The following RNF38 variants were observed in gnomAD, a reference collection of about 807,000 sequenced individuals.
The protein encoded by RNF38 is E3 ubiquitin-protein ligase RNF38.
In RNF38, 15 loss-of-function variants were observed where a neutral mutation model predicts 67.2. The ratio of observed to expected loss-of-function variants is 0.22; its 90% CI spans 0.15 to 0.34. The LOEUF is 0.34. RNF38 is among the 10% of genes least tolerant of loss of function. The probability of loss-of-function intolerance (pLI) is 1.00; values close to 1 mark genes in which losing one functional copy is unlikely to be tolerated. For synonymous variants in RNF38, 220 were observed against 218.8 expected (o/e 1.01, Z -0.05); for missense variants, 524 against 639.9 (o/e 0.82, Z 1.95).
chr9:36,401,198 GGGGGCGGGGC>G (rs760862263), upstream of RNF38: 301 of 970,992 alleles, frequency 3.1e-4, no homozygotes, highest in Admixed American at 2.5e-3. Context: ...CGAGGGGGAA[GGGGGCGGGGC>G]GGGGCGGGGC....
chr9:36,383,356 C>A (rs1836348147), intron 2 of RNF38, among the ~76,000 whole-genome samples: 1 of 152,106 alleles, frequency 6.6e-6, no homozygotes, highest in Non-Finnish European at 1.5e-5. Context: ...CGCGCACCAG[C>A]CAATTTTTGT....
intron 3 of RNF38, among the ~76,000 whole-genome samples, chr9:36,373,638 C>T (rs182185561): frequency 1.3e-5 from 2 of 150,246 alleles, no homozygotes; most frequent in East Asian, 3.9e-4. Context: ...CCCTGTCCCC[C>T]AGGCTGGAGT....
chr9:36,477,399 G>T (rs943831271), intron 1 of RNF38, among the ~76,000 whole-genome samples: 1 of 151,946 alleles, frequency 6.6e-6, no homozygotes, highest in Non-Finnish European at 1.5e-5. Flanking sequence ...AAACAGGCTG[G>T]GCATGGTCAC....
chr9:36,337,881 A>C lies in RNF38; in HGVS notation c.*1871T>G, dbSNP rs1832563747. 6.5e-6 allele frequency: 1 copy of C among 152,676 alleles called. No individual in the cohort carries two copies. Among genetic ancestry groups the C allele is most frequent in the African/African-American group, 2.4e-5 (1 of 41,470 alleles). The allele number at this position is 152,676 out of a possible 1,614,324, so 9.5% of individuals were successfully genotyped here. A position where few individuals can be genotyped will look rare whatever the true frequency, so the allele number is the denominator to read the frequency against. On this transcript the variant is annotated 3_prime_UTR_variant, in exon 12 of 12. Coordinates refer to ENST00000259605, the MANE Select transcript of RNF38 (RefSeq NM_022781.5). ...ACACAGTATGCAAAACCCTACTTGT[A>C]GGACTAGATAGAGGCAACAATGTCT...
At chr9:36,390,241 A>T (rs1218058435) in intron 2 of RNF38, among the ~76,000 whole-genome samples, 2 of 152,240 alleles carry the variant, frequency 1.3e-5, no homozygotes, top group Admixed American at 6.5e-5. Flanking sequence ...AAACACAAGA[A>T]TATTAAGTAG....
intron 9 of RNF38, among the ~76,000 whole-genome samples, chr9:36,350,747 T>A (rs998704436): frequency 2.0e-5 from 3 of 152,222 alleles, no homozygotes; most frequent in African/African-American, 7.2e-5. Context: ...TATTCAAATA[T>A]CCTTAAACAT....
At chr9:36,400,856 C>T (rs1231145080), upstream of RNF38, 3 of 985,022 alleles carry the variant, frequency 3.0e-6, no homozygotes, top group African/African-American at 3.5e-5. Context: ...GCCTCGGCCC[C>T]GTCCCGCAAC....
intron 1 of RNF38, among the ~76,000 whole-genome samples, chr9:36,460,903 A>AAG (rs1554699819): frequency 1.0e-4 from 15 of 145,436 alleles, no homozygotes; most frequent in Admixed American, 6.2e-4. Context: ...AAAAAAAAAA[A>AAG]AAAGAAAGAA....
Position 36,346,654 on chromosome 9 carries a change from G to C in RNF38, c.1264-1701C>G, listed in dbSNP as rs1268530045. ...ATGGGTAACAAATAATGACAGATGA[G>C]AGAAACAGAAATAAATTCCCCAAAT... On this transcript the variant is annotated intron_variant, in intron 9 of 11. Transcript: ENST00000259605. Among the ~76,000 whole-genome samples, 3 of 151,466 alleles carry C rather than the reference G, an allele frequency of 2.0e-5. No individual in the cohort carries two copies. In the Admixed American group the frequency reaches 2.0e-4, roughly 10 times the overall value.
intron 3 of RNF38, among the ~76,000 whole-genome samples, chr9:36,373,510 G>T (rs936041976): frequency 6.6e-6 from 1 of 150,926 alleles, no homozygotes; most frequent in Non-Finnish European, 1.5e-5. Flanking sequence ...AAATGAAGGG[G>T]AACGGTAGCA....
intron 6 of RNF38, 107 bp from the exon 7 acceptor site, chr9:36,353,438 T>C (rs551979839): frequency 2.9e-6 from 2 of 695,834 alleles, no homozygotes; most frequent in South Asian, 6.4e-5. Context: ...CCAAAATGTC[T>C]TTAAGGCCAT....
chr9:36,445,255 G>T (rs1465545500), intron 1 of RNF38, among the ~76,000 whole-genome samples: 1 of 152,206 alleles, frequency 6.6e-6, no homozygotes, highest in Non-Finnish European at 1.5e-5. Flanking sequence ...AGTTGATCAT[G>T]AAATGCTTTC....
chr9:36,390,749 A>T (rs1837017457), intron 1 of RNF38, 133 bp from the exon 2 acceptor site: 1 of 954,058 alleles, frequency 1.0e-6, no homozygotes, highest in Non-Finnish European at 1.6e-6. Flanking sequence ...GAAATTAAAA[A>T]TTAATTTTAA....
intron 1 of RNF38, among the ~76,000 whole-genome samples, chr9:36,482,135 C>T (rs1297281267): frequency 2.0e-5 from 3 of 149,290 alleles, no homozygotes; most frequent in African/African-American, 7.4e-5. Context: ...CTTACAGCAA[C>T]CTCTGCCTCC....
At chr9:36,392,317 AC>A (rs926405391) in intron 1 of RNF38, among the ~76,000 whole-genome samples, 2 of 152,244 alleles carry the variant, frequency 1.3e-5, no homozygotes, top group African/African-American at 4.8e-5. Flanking sequence ...AGTTTTCTGT[AC>A]AGAATGTTCT....
intron 1 of RNF38, among the ~76,000 whole-genome samples, chr9:36,475,717 C>T (rs1840105132): frequency 1.3e-5 from 2 of 150,832 alleles, no homozygotes; most frequent in African/African-American, 2.4e-5. Flanking sequence ...GGGGTTAATT[C>T]CCTAAAGAAA....
chr9:36,376,385 G>GT lies in RNF38; in HGVS notation c.163-259dup, dbSNP rs548591595. Among the ~76,000 whole-genome samples, 113 of 152,244 alleles carry GT rather than the reference G, an allele frequency of 7.4e-4. 2 individuals carry two copies. In the South Asian group the frequency reaches 0.022, roughly 30 times the overall value. On this transcript the variant is annotated intron_variant, in intron 2 of 11. Transcript: ENST00000259605. ...AAAAACTCATTCTAAGGCAAATGAG[G>GT]TAACGACATATAGGGTATAAAACAG...
At chr9:36,367,572 CTTTT>C (rs889258731) in intron 4 of RNF38, among the ~76,000 whole-genome samples, 3 of 148,248 alleles carry the variant, frequency 2.0e-5, no homozygotes, top group Non-Finnish European at 4.6e-5. Context: ...ACAGGTTATT[CTTTT>C]TTCTTTTTTT....
intron 1 of RNF38, among the ~76,000 whole-genome samples, chr9:36,473,813 C>T (rs1377562733): frequency 6.7e-6 from 1 of 150,216 alleles, no homozygotes; most frequent in Middle Eastern, 3.2e-3. Flanking sequence ...GGTGAAACCC[C>T]GTCTCTACTA....
Sources: allele counts gnomAD v4.1 joint callset (sites outside exome capture counted in the v4.1 genomes callset), GRCh38; gene constraint gnomAD v4.1.1; transcripts MANE v1.5; gene names NCBI Gene and HGNC (gene_info 2026-07-23, HGNC 2026-07-21).